The following COL22A1 variants were observed in gnomAD, a reference collection of about 807,000 sequenced individuals.
The protein encoded by COL22A1 is collagen type XXII alpha 1 chain.
Under a neutral mutation model 248.9 loss-of-function variants are expected in COL22A1, and 221 were observed. The observed-to-expected ratio is 0.89, with a 90% CI of 0.80 to 0.99. The LOEUF (loss-of-function observed/expected upper bound fraction) is 0.99. COL22A1 is among the 50% of genes least tolerant of loss of function. The pLI, the probability that COL22A1 is intolerant of heterozygous loss-of-function variation, is 0.00. For missense variants in COL22A1, 2,240 were observed against 2,179.0 expected, an observed-to-expected ratio of 1.03 and a Z score of -0.56; for synonymous variants, 891 against 793.4, an observed-to-expected ratio of 1.12 and a Z score of -2.07.
chr8:138,845,149 A>C (rs1016219777), intron 3 of COL22A1, among the ~76,000 whole-genome samples: 1 of 152,220 alleles, frequency 6.6e-6, no homozygotes, highest in African/African-American at 2.4e-5. Flanking sequence ...CAATTGAGTA[A>C]GTCATACAAT....
At chr8:138,728,203 A>AT (rs957504997) in intron 23 of COL22A1, among the ~76,000 whole-genome samples, 2 of 151,588 alleles carry the variant, frequency 1.3e-5, no homozygotes, top group African/African-American at 2.4e-5. Flanking sequence ...TAATTTTATG[A>AT]TTTTTTTGTA....
chr8:138,843,966 T>G (rs1821056565), intron 4 of COL22A1, 118 bp downstream of exon 4: 2 of 877,546 alleles, frequency 2.3e-6, no homozygotes, highest in African/African-American at 1.6e-5. Flanking sequence ...AGGACTCTGG[T>G]GAAATATGGG....
At chr8:138,779,367 A>C in intron 14 of COL22A1, 142 bp downstream of exon 14, 1 of 612,792 alleles carries the variant, frequency 1.6e-6, no homozygotes, top group Non-Finnish European at 3.0e-6. Flanking sequence ...GTGGATATAC[A>C]CACACAAATG....
intron 35 of COL22A1, among the ~76,000 whole-genome samples, chr8:138,692,262 G>GTACATGTGTGTA (rs1564201715): frequency 7.0e-6 from 1 of 143,592 alleles, no homozygotes; most frequent in Admixed American, 7.0e-5. Context: ...GTGTGCGTGT[G>GTACATGTGTGTA]TGCATGTTTG....
At chr8:138,745,665 A>C (rs1832047034) in intron 22 of COL22A1, among the ~76,000 whole-genome samples, 1 of 152,226 alleles carries the variant, frequency 6.6e-6, no homozygotes, top group African/African-American at 2.4e-5. Flanking sequence ...AAATCTGCAG[A>C]AAATTAAAAT....
chr8:138,867,875 G>A (rs949467527), intron 3 of COL22A1, among the ~76,000 whole-genome samples: 4 of 152,100 alleles, frequency 2.6e-5, no homozygotes, highest in Non-Finnish European at 5.9e-5. Context: ...AGCGAGTCTC[G>A]TGCCTCAGCC....
chr8:138,694,425 C>G (rs1466641295), intron 34 of COL22A1, 83 bp downstream of exon 34: 1 of 1,383,030 alleles, frequency 7.2e-7, no homozygotes, highest in African/African-American at 1.4e-5. Context: ...GGGGAGAGAA[C>G]TGGGGAGGGT....
intron 16 of COL22A1, among the ~76,000 whole-genome samples, chr8:138,763,789 T>G (rs1185215299): frequency 6.6e-6 from 1 of 152,148 alleles, no homozygotes; most frequent in Admixed American, 6.5e-5. Context: ...CAGTGTCCCC[T>G]CCTGACCTTT....
chr8:138,617,343 A>T (rs1819420500), intron 53 of COL22A1, among the ~76,000 whole-genome samples: 1 of 148,728 alleles, frequency 6.7e-6, no homozygotes, highest in African/African-American at 2.4e-5. Flanking sequence ...CCTTGTAGGG[A>T]ACATCACCTT....
chr8:138,597,022 C>T (rs749036235), intron 61 of COL22A1, 52 bp from the exon 62 acceptor site: 33 of 1,512,662 alleles, frequency 2.2e-5, no homozygotes, highest in South Asian at 3.4e-5. Flanking sequence ...CTTCTGCCAC[C>T]TAAGAACCCT....
chr8:138,761,177 T>A (rs1833459590), intron 17 of COL22A1, among the ~76,000 whole-genome samples: 1 of 152,198 alleles, frequency 6.6e-6, no homozygotes, highest in Non-Finnish European at 1.5e-5. Flanking sequence ...TAGGTCTGTG[T>A]GCTGGGTTAT....
chr8:138,780,100 G>A (rs1431831172), intron 13 of COL22A1, among the ~76,000 whole-genome samples: 1 of 152,156 alleles, frequency 6.6e-6, no homozygotes, highest in African/African-American at 2.4e-5. Context: ...TTCTGTGGCT[G>A]GAAGTCAACA....
In COL22A1 at chr8:138,693,705, C is replaced by T; in HGVS notation, c.2701-6G>A. The T allele has an allele frequency of 1.3e-6, 2 of 1,568,342 alleles. No homozygotes were observed. The highest frequency in any genetic ancestry group is 1.7e-6 in the Non-Finnish European group (2 of 1,156,098). On this transcript the variant is annotated splice_region_variant and splice_polypyrimidine_tract_variant and intron_variant, in intron 34 of 64. Coordinates refer to ENST00000303045, the MANE Select transcript of COL22A1 (RefSeq NM_152888.3). Reference sequence around the variant, plus strand: ...CCTTCCTGTCCCTTGGCACCCTGCACAGGAAATAAAAGAGGGGCGGGGGTA... The same window carrying T: ...CCTTCCTGTCCCTTGGCACCCTGCATAGGAAATAAAAGAGGGGCGGGGGTA...
chr8:138,641,821 C>G (rs370092735), intron 47 of COL22A1, among the ~76,000 whole-genome samples: 4 of 152,158 alleles, frequency 2.6e-5, no homozygotes, highest in African/African-American at 9.7e-5. Context: ...TGTAAGTACT[C>G]CATCAGGGGT....
chr8:138,869,918 C>A (rs1369781753), intron 3 of COL22A1, among the ~76,000 whole-genome samples: 1 of 152,078 alleles, frequency 6.6e-6, no homozygotes, highest in Admixed American at 6.6e-5. Flanking sequence ...CATACATGTT[C>A]CCAGATGTGT....
intron 2 of COL22A1, among the ~76,000 whole-genome samples, chr8:138,881,338 A>G (rs1349513792): frequency 6.7e-6 from 1 of 148,786 alleles, no homozygotes; most frequent in East Asian, 2.0e-4. Flanking sequence ...TGTAAATTCG[A>G]TAAAGAAATA....
chr8:138,635,509 C>T (rs960064986), intron 48 of COL22A1, among the ~76,000 whole-genome samples: 2 of 152,138 alleles, frequency 1.3e-5, no homozygotes, highest in African/African-American at 4.8e-5. Context: ...GTTAGGTTAA[C>T]TGAATTACAG....
chr8:138,701,934 G>T (rs1284306865), intron 31 of COL22A1, among the ~76,000 whole-genome samples: 1 of 152,152 alleles, frequency 6.6e-6, no homozygotes, highest in Admixed American at 6.5e-5. Flanking sequence ...ATATTAATTT[G>T]TAGAATTCCA....
chr8:138,660,829 TACACACACAGACACACAC>T (rs1823778497), intron 43 of COL22A1, among the ~76,000 whole-genome samples: 1 of 47,494 alleles, frequency 2.1e-5, no homozygotes, highest in Admixed American at 1.9e-4. Flanking sequence ...TACACACACA[TACACACACAGACACACAC>T]ACACATACAC....
Sources: gnomAD v4.1 joint callset for allele counts (sites outside exome capture counted in the v4.1 genomes callset) on GRCh38, gnomAD v4.1.1 for gene constraint, MANE v1.5 for transcripts, NCBI Gene and HGNC (gene_info 2026-07-23, HGNC 2026-07-21) for gene names.